The following CUX1 variants were observed in gnomAD, a reference collection of about 807,000 sequenced individuals.
The protein encoded by CUX1 is protein CASP.
Under a neutral mutation model 158.8 loss-of-function variants are expected in CUX1, and 31 were observed. The ratio of observed to expected loss-of-function variants is 0.20; its 90% CI spans 0.15 to 0.26. CUX1 has a LOEUF of 0.26. CUX1 is among the 10% of genes least tolerant of loss of function. The pLI, the probability that CUX1 is intolerant of heterozygous loss-of-function variation, is 1.00. For missense variants in CUX1, 1,589 were observed against 2,014.6 expected, an observed-to-expected ratio of 0.79 and a Z score of 4.04; for synonymous variants, 879 against 862.1, an observed-to-expected ratio of 1.02 and a Z score of -0.34.
intron 12 of CUX1, among the ~76,000 whole-genome samples, chr7:102,191,532 C>T (rs909960290): frequency 7.9e-5 from 12 of 152,156 alleles, no homozygotes; most frequent in Admixed American, 1.3e-4. Flanking sequence ...TTAAACATTA[C>T]CTGGTTAACC....
Position 101,869,765 on chromosome 7 carries a change from G to A in CUX1, c.31-46350G>A, listed in dbSNP as rs112219825. Among the ~76,000 whole-genome samples the A allele has an allele frequency of 6.6e-6, 1 of 152,152 alleles. No homozygotes were observed. The highest frequency in any genetic ancestry group is 1.5e-5 in the Non-Finnish European group (1 of 68,000). ...CAGAGGAAGCGCAGGGGAGGCGCAG[G>A]GGAGGCCAGGCTCTGGCATTTCCCA... On this transcript the variant is annotated intron_variant, in intron 1 of 23. Transcript: ENST00000292535. This position sits in a 1 kb window ranked among gnomAD's most constrained non-coding sequence, Gnocchi z 4.5.
chr7:101,836,724 T>A (rs910812223), intron 1 of CUX1, among the ~76,000 whole-genome samples: 2 of 150,258 alleles, frequency 1.3e-5, no homozygotes, highest in South Asian at 4.2e-4. Context: ...GGCTGTTCCT[T>A]CCCCACGGCC....
At position 102,204,531 on chromosome 7, in the gene CUX1, C is replaced by T. The variant is rs781865770; in HGVS notation, c.3048C>T (p.Pro1016=). 180 of 1,613,328 alleles carry T rather than the reference C, an allele frequency of 1.1e-4. No individual in the cohort carries two copies. Among genetic ancestry groups the T allele is most frequent in the Non-Finnish European group, 1.4e-4 (169 of 1,179,950 alleles). ...LNGELGQGVL[P]VQGQQQGPVL... ...GCGAGCTAGGCCAGGGTGTTCTACC[C>T]GTCCAGGGCCAGCAGCAAGGGCCAG... The change falls in exon 19 of 24, where the codon CCC becomes CCT. Residue 1016 remains proline, a synonymous_variant. Transcript: ENST00000292535.
At chr7:101,828,937 C>T (rs1196247390) in intron 1 of CUX1, among the ~76,000 whole-genome samples, 2 of 151,624 alleles carry the variant, frequency 1.3e-5, no homozygotes, top group Non-Finnish European at 2.9e-5. Context: ...AAGGGGTGTG[C>T]CCCCTTTGGG....
intron 1 of CUX1, among the ~76,000 whole-genome samples, chr7:101,902,648 G>A (rs528501993): frequency 2.7e-4 from 41 of 152,272 alleles, no homozygotes; most frequent in South Asian, 6.2e-4. Flanking sequence ...TCTCTGTGCC[G>A]GATGCAGCTG....
intron 2 of CUX1, among the ~76,000 whole-genome samples, chr7:101,962,551 G>A (rs112502188): frequency 2.0e-5 from 3 of 152,272 alleles, no homozygotes; most frequent in African/African-American, 7.2e-5. Context: ...TTTGTAGGCA[G>A]ATATAAATGC....
At chr7:101,825,780 TGTGTGTGTGTGTGTGTGTGCGC>T (rs1367653100) in intron 1 of CUX1, among the ~76,000 whole-genome samples, 121 of 99,906 alleles carry the variant, frequency 1.2e-3, no homozygotes, top group African/African-American at 7.0e-4. Context: ...TGTGTGTGTG[TGTGTGTGTGTGTGTGTGTGCGC>T]GCGCGCGCGC....
intron 5 of CUX1, among the ~76,000 whole-genome samples, chr7:102,103,145 C>T (rs1347282922): frequency 6.6e-6 from 1 of 152,120 alleles, no homozygotes; most frequent in Admixed American, 6.5e-5. Flanking sequence ...CCTTGGTGCT[C>T]ACACCTCACT....
intron 14 of CUX1, among the ~76,000 whole-genome samples, chr7:102,267,623 TG>T (rs1790906365): frequency 6.6e-6 from 1 of 152,200 alleles, no homozygotes; most frequent in Non-Finnish European, 1.5e-5. Context: ...GATAAGTCTC[TG>T]CATTTAATCC....
intron 1 of CUX1, among the ~76,000 whole-genome samples, chr7:101,897,210 A>G (rs1210690847): frequency 6.6e-6 from 1 of 152,248 alleles, no homozygotes; most frequent in East Asian, 1.9e-4. Flanking sequence ...ATGACAGCGC[A>G]GAGTTTTACG....
intron 20 of CUX1, among the ~76,000 whole-genome samples, chr7:102,221,237 C>T (rs1797762756): frequency 6.6e-6 from 1 of 152,380 alleles, no homozygotes; most frequent in Non-Finnish European, 1.5e-5. Context: ...CAGAATGTCA[C>T]GGAGTACCCT....
intron 3 of CUX1, among the ~76,000 whole-genome samples, chr7:102,038,468 A>G (rs1243115889): frequency 2.0e-5 from 3 of 152,256 alleles, no homozygotes; most frequent in Admixed American, 6.5e-5. Context: ...TCTAGGTTGC[A>G]TAATAACCAG....
chr7:102,021,307 A>AT (rs892949696), intron 2 of CUX1, among the ~76,000 whole-genome samples: 7 of 151,358 alleles, frequency 4.6e-5, no homozygotes, highest in South Asian at 2.1e-4. Context: ...GGATTATCAG[A>AT]TTTTTTTTTC....
intron 20 of CUX1, among the ~76,000 whole-genome samples, chr7:102,223,926 T>G (rs1798089606): frequency 6.6e-6 from 1 of 152,128 alleles, no homozygotes. Context: ...ATCGTGCCAC[T>G]GCACTCCAGC....
At chr7:102,274,138 C>T (rs1397228383) in intron 15 of CUX1, 1 of 1,109,564 alleles carries the variant, frequency 9.0e-7, no homozygotes, top group East Asian at 2.4e-5. Flanking sequence ...TGGCCCCACC[C>T]ACTCCTTGCC....
Position 102,255,174 on chromosome 7 carries a change from T to G in CUX1, c.*6132T>G. ...GAAGGAAATGCAATTTCCGCCTGTC[T>G]GCCCGACTTCCAAAAACTGCCTCCT... On this transcript the variant is annotated 3_prime_UTR_variant, in exon 24 of 24. Transcript: ENST00000292535. The G allele has an allele frequency of 1.0e-6, 1 of 985,500 alleles. No homozygotes were observed. Among genetic ancestry groups the G allele is most frequent in the Non-Finnish European group, 1.2e-6 (1 of 829,982 alleles). The allele number at this position is 985,500 out of a possible 1,614,324, so 61.0% of individuals were successfully genotyped here.
intron 3 of CUX1, among the ~76,000 whole-genome samples, chr7:102,036,030 T>A (rs1821385531): frequency 6.6e-6 from 1 of 152,174 alleles, no homozygotes; most frequent in Non-Finnish European, 1.5e-5. Flanking sequence ...AGATTTCTTT[T>A]GTAACGGCCC....
chr7:101,952,896 G>A (rs1253064722), intron 2 of CUX1, among the ~76,000 whole-genome samples: 1 of 152,210 alleles, frequency 6.6e-6, no homozygotes, highest in Non-Finnish European at 1.5e-5. Context: ...TTGATTGTCT[G>A]CCTTTCCCAG....
chr7:102,221,631 T>G (rs1554526945), intron 20 of CUX1, among the ~76,000 whole-genome samples: 1 of 151,856 alleles, frequency 6.6e-6, no homozygotes, highest in Non-Finnish European at 1.5e-5. Flanking sequence ...TCATAATCCT[T>G]TTATAGTTCG....
Sources: allele counts gnomAD v4.1 joint callset (sites outside exome capture counted in the v4.1 genomes callset), GRCh38; gene constraint gnomAD v4.1.1; non-coding constraint Gnocchi (gnomAD v3.1); transcripts MANE v1.5; gene names NCBI Gene and HGNC (gene_info 2026-07-23, HGNC 2026-07-21).